HERPUD2: variants seen among roughly 807,000 people sequenced by gnomAD.
HERPUD2 encodes homocysteine-responsive endoplasmic reticulum-resident ubiquitin-like domain member 2 protein.
Under a neutral mutation model 49.9 loss-of-function variants are expected in HERPUD2, and 13 were observed. That is an observed-to-expected ratio of 0.26 (90% confidence interval 0.17 to 0.41). The LOEUF is 0.41. Among genes scored for constraint, HERPUD2 ranks in the 10% least tolerant of loss-of-function variants. HERPUD2 has a pLI of 1.00. For synonymous variants in HERPUD2, 172 were observed against 171.4 expected, an observed-to-expected ratio of 1.00 and a Z score of -0.03; for missense variants, 449 against 492.2, an observed-to-expected ratio of 0.91 and a Z score of 0.83.
intron 2 of HERPUD2, among the ~76,000 whole-genome samples, chr7:35,678,501 A>G (rs1444529843): frequency 6.6e-6 from 1 of 152,082 alleles, no homozygotes; most frequent in Non-Finnish European, 1.5e-5. Flanking sequence ...GGATTTCACC[A>G]TGTTGGCCAG....
intron 5 of HERPUD2, among the ~76,000 whole-genome samples, chr7:35,664,311 C>G (rs1435803243): frequency 6.6e-6 from 1 of 152,166 alleles, no homozygotes; most frequent in East Asian, 1.9e-4. Flanking sequence ...TTCTCTCTGG[C>G]TGCCCTTAAC....
chr7:35,686,822 TGGGGGGGTGGG>T (rs1562688715), intron 2 of HERPUD2, among the ~76,000 whole-genome samples: 2 of 2,532 alleles, frequency 7.9e-4, no homozygotes, highest in African/African-American at 3.4e-3. Flanking sequence ...GGGGGGGGGG[TGGGGGGGTGGG>T]GGGGGGCGCG....
At chr7:35,659,985 C>T (rs1264006637) in intron 5 of HERPUD2, among the ~76,000 whole-genome samples, 1 of 152,002 alleles carries the variant, frequency 6.6e-6, no homozygotes, top group Non-Finnish European at 1.5e-5. Flanking sequence ...CCCATTAACT[C>T]GTCATCTACA....
At chr7:35,693,711 C>A (rs10229772) in intron 2 of HERPUD2, among the ~76,000 whole-genome samples, 59,928 of 151,914 alleles carry the variant, frequency 0.39, 12,244 homozygotes, top group South Asian at 0.56. Context: ...GATCTTGGCT[C>A]ACTGCAACCT....
At chr7:35,639,195 A>G (rs1784925664) in intron 5 of HERPUD2, among the ~76,000 whole-genome samples, 1 of 148,808 alleles carries the variant, frequency 6.7e-6, no homozygotes, top group Non-Finnish European at 1.5e-5. Flanking sequence ...CACCTGGCTA[A>G]TTTTTTTTTT....
Position 35,633,729 on chromosome 7 carries a change from A to C in HERPUD2, c.1182T>G (p.Thr394=). The stretch of plus-strand genomic sequence containing the variant: ...GGGGAGGCCCCTCTGGTATTAGTGA[A>C]GTAAAGAAGGTGGTGATGAAAGACC... ...SAWSFITTFF[T]SLIPEGPPQV... The change falls in exon 9 of 9, where the codon ACT becomes ACG. Residue 394 remains threonine, a synonymous_variant. Transcript: ENST00000311350. The C allele has an allele frequency of 6.2e-7, 1 of 1,613,956 alleles. No homozygotes were observed. The highest frequency in any genetic ancestry group is 1.3e-5 in the African/African-American group (1 of 75,032).
chr7:35,637,203 A>G (rs148219001), intron 6 of HERPUD2, among the ~76,000 whole-genome samples: 5 of 150,994 alleles, frequency 3.3e-5, no homozygotes, highest in African/African-American at 1.2e-4. Flanking sequence ...AGATAGATAG[A>G]TAAAAGAAAT....
At chr7:35,682,326 C>CGTGT (rs1173380172) in intron 2 of HERPUD2, among the ~76,000 whole-genome samples, 3 of 16,330 alleles carry the variant, frequency 1.8e-4, no homozygotes, top group African/African-American at 8.0e-4. Context: ...CACATACACA[C>CGTGT]GTGTGTGTGT....
chr7:35,661,471 G>T lies in HERPUD2; in HGVS notation c.494+5963C>A, dbSNP rs191015006. Among the ~76,000 whole-genome samples, 508 of 152,260 alleles carry T rather than the reference G, an allele frequency of 3.3e-3. 2 individuals carry two copies. The highest frequency in any genetic ancestry group is 7.1e-3 in the Admixed American group (109 of 15,298). ...TCTATGAATTACCTTGGGCAGTATG[G>T]CCATTTTCACGATATTGATTCTTCC... On this transcript the variant is annotated intron_variant, in intron 5 of 8. Transcript: ENST00000311350.
intron 5 of HERPUD2, among the ~76,000 whole-genome samples, chr7:35,645,621 A>G (rs1378623792): frequency 6.6e-6 from 1 of 152,194 alleles, no homozygotes; most frequent in Non-Finnish European, 1.5e-5. Flanking sequence ...AGGTCCTGGA[A>G]TAATGTCATA....
At chr7:35,680,100 C>T (rs572833545) in intron 2 of HERPUD2, among the ~76,000 whole-genome samples, 104 of 152,266 alleles carry the variant, frequency 6.8e-4, no homozygotes, top group African/African-American at 2.5e-3. Flanking sequence ...TCAGCAGCTC[C>T]AGTGATCTTT....
At chr7:35,657,286 T>C (rs1372665553) in intron 5 of HERPUD2, among the ~76,000 whole-genome samples, 1 of 151,856 alleles carries the variant, frequency 6.6e-6, no homozygotes, top group African/African-American at 2.4e-5. Context: ...AGTAGGGAAA[T>C]GCAAATCAAA....
intron 2 of HERPUD2, among the ~76,000 whole-genome samples, chr7:35,680,814 CAT>C (rs1319810366): frequency 3.3e-5 from 5 of 152,188 alleles, no homozygotes; most frequent in Admixed American, 6.5e-5. Context: ...ATTATGTCAA[CAT>C]GTGTTTTTTT....
intron 2 of HERPUD2, among the ~76,000 whole-genome samples, chr7:35,676,515 C>T (rs764173199): frequency 7.9e-5 from 12 of 152,182 alleles, no homozygotes; most frequent in Admixed American, 3.3e-4. Context: ...TCATCTTACA[C>T]ATTTCATGCC....
chr7:35,682,230 TAGATATATACACATACACAC>T, intron 2 of HERPUD2, among the ~76,000 whole-genome samples: 4 of 128,956 alleles, frequency 3.1e-5, no homozygotes, highest in Admixed American at 7.8e-5. Flanking sequence ...TGTGTATATA[TAGATATATACACATACACAC>T]GTGTGTGTGT....
intron 2 of HERPUD2, 37 bp from the exon 3 acceptor site, chr7:35,673,315 T>A: frequency 6.6e-7 from 1 of 1,510,558 alleles, no homozygotes; most frequent in South Asian, 1.2e-5. Context: ...TCAACTTTTC[T>A]AATTATGCAA....
At chr7:35,636,739 G>C (rs1360854938) in intron 6 of HERPUD2, among the ~76,000 whole-genome samples, 1 of 152,180 alleles carries the variant, frequency 6.6e-6, no homozygotes, top group Non-Finnish European at 1.5e-5. Context: ...GAAAGGTCTG[G>C]AGGAAGGACA....
At chr7:35,648,395 C>T (rs1345154661) in intron 5 of HERPUD2, among the ~76,000 whole-genome samples, 1 of 152,162 alleles carries the variant, frequency 6.6e-6, no homozygotes, top group African/African-American at 2.4e-5. Context: ...AGCTGGTTTA[C>T]GCTGGCTTAC....
intron 5 of HERPUD2, among the ~76,000 whole-genome samples, chr7:35,644,198 T>G (rs1229761761): frequency 6.6e-6 from 1 of 152,096 alleles, no homozygotes; most frequent in East Asian, 1.9e-4. Flanking sequence ...AACTCATGAT[T>G]CTTTTTTCCT....
Sources: gnomAD v4.1 joint callset for allele counts (sites outside exome capture counted in the v4.1 genomes callset) on GRCh38, gnomAD v4.1.1 for gene constraint, MANE v1.5 for transcripts, NCBI Gene and HGNC (gene_info 2026-07-23, HGNC 2026-07-21) for gene names.